AGBL1: variants seen among roughly 807,000 people sequenced by gnomAD.
AGBL1 encodes the protein cytosolic carboxypeptidase 4.
AGBL1 carries 130 observed loss-of-function variants against 118.9 expected under a neutral mutation model. The ratio of observed to expected loss-of-function variants is 1.09; its 90% CI spans 0.95 to 1.26. The LOEUF (loss-of-function observed/expected upper bound fraction) is 1.26, where lower values mean the gene tolerates loss of function less well. Ranked by LOEUF, AGBL1 falls within the 50% of genes most tolerant of loss-of-function variation. The pLI is 0.00. For synonymous variants in AGBL1, 555 were observed against 478.9 expected (o/e 1.16, Z -2.08); for missense variants, 1,584 against 1,298.1 (o/e 1.22, Z -3.38).
intron 21 of AGBL1, among the ~76,000 whole-genome samples, chr15:86,619,210 A>C (rs1385950212): frequency 6.6e-6 from 1 of 152,170 alleles, no homozygotes; most frequent in Non-Finnish European, 1.5e-5. Flanking sequence ...AGCATATAAT[A>C]AGTACTCAAT....
intron 24 of AGBL1, among the ~76,000 whole-genome samples, chr15:86,997,890 GACACACACACAC>G (rs3030280): frequency 0.024 from 3,471 of 145,878 alleles, 71 homozygotes; most frequent in South Asian, 0.055. Context: ...ACATGTGGAA[GACACACACACAC>G]ACACACACAC....
chr15:86,629,171 C>A (rs1327428316), intron 21 of AGBL1, among the ~76,000 whole-genome samples: 1 of 152,116 alleles, frequency 6.6e-6, no homozygotes, highest in African/African-American at 2.4e-5. Flanking sequence ...AACCACCATT[C>A]TACTTGGTTT....
At chr15:86,210,706 G>A (rs567532441) in intron 5 of AGBL1, among the ~76,000 whole-genome samples, 1 of 152,210 alleles carries the variant, frequency 6.6e-6, no homozygotes, top group South Asian at 2.1e-4. Flanking sequence ...ATTTTAGTTA[G>A]CCATTCGTCT....
chr15:86,979,914 A>T (rs1344385310), intron 23 of AGBL1, among the ~76,000 whole-genome samples: 1 of 152,142 alleles, frequency 6.6e-6, no homozygotes, highest in Non-Finnish European at 1.5e-5. Context: ...AACAGAGAGA[A>T]ATCTACCAAG....
chr15:86,277,021 C>T (rs2079263609), intron 15 of AGBL1, among the ~76,000 whole-genome samples: 1 of 152,122 alleles, frequency 6.6e-6, no homozygotes, highest in African/African-American at 2.4e-5. Context: ...AAGGTGGCTG[C>T]CAGGAGAGTC....
intron 23 of AGBL1, among the ~76,000 whole-genome samples, chr15:86,967,782 T>C (rs2081069462): frequency 6.6e-6 from 1 of 152,142 alleles, no homozygotes; most frequent in Admixed American, 6.6e-5. Context: ...TTTGTTCTTT[T>C]GGCTTAGGAT....
chr15:86,361,774 T>C (rs537974653), intron 17 of AGBL1, among the ~76,000 whole-genome samples: 1 of 152,312 alleles, frequency 6.6e-6, no homozygotes, highest in East Asian at 1.9e-4. Context: ...CCTGATCTGT[T>C]TGGGTTACTT....
In AGBL1 at chr15:86,908,910, T is replaced by C. The variant is rs2080315233; in HGVS notation, c.*1616T>C. 6.6e-6 allele frequency: 1 copy of C among 152,224 alleles called. No individual in the cohort carries two copies. The highest frequency in any genetic ancestry group is 2.1e-4 in the South Asian group (1 of 4,822). The allele number at this position is 152,224 out of a possible 1,614,324, so 9.4% of individuals were successfully genotyped here. A position where few individuals can be genotyped will look rare whatever the true frequency, so the allele number is the denominator to read the frequency against. ...AAGGCATAAGTCTATTTCTCTTTCC[T>C]GTGGAATTTTACACACTGGAAGACC... is the stretch of plus-strand genomic sequence containing the variant. On this transcript the variant is annotated 3_prime_UTR_variant, in exon 23 of 23. Transcript: ENST00000614907.
At chr15:86,261,287 C>A (rs1289267781) in intron 9 of AGBL1, among the ~76,000 whole-genome samples, 2 of 152,116 alleles carry the variant, frequency 1.3e-5, no homozygotes, top group Non-Finnish European at 2.9e-5. Context: ...CTTAGTACCA[C>A]CCTGGGCCAT....
intron 17 of AGBL1, among the ~76,000 whole-genome samples, chr15:86,334,446 C>T (rs751311938): frequency 6.6e-6 from 1 of 152,048 alleles, no homozygotes; most frequent in African/African-American, 2.4e-5. Context: ...CCTAGGAATA[C>T]GTCTAACCAA....
intron 5 of AGBL1, among the ~76,000 whole-genome samples, chr15:86,219,734 G>T (rs907230829): frequency 3.9e-5 from 6 of 152,210 alleles, no homozygotes; most frequent in African/African-American, 9.6e-5. Context: ...TGGACAAGTT[G>T]TTTGCCTCAT....
intron 22 of AGBL1, among the ~76,000 whole-genome samples, chr15:86,705,650 T>C (rs2086436791): frequency 6.6e-6 from 1 of 152,194 alleles, no homozygotes; most frequent in African/African-American, 2.4e-5. Flanking sequence ...AATTGTCTTA[T>C]TCTAAGTCAT....
At position 86,848,964 on chromosome 15, in the gene AGBL1, A is replaced by G. The variant is rs568796879; in HGVS notation, c.3159-58123A>G. ...CAACCCTACTGATGAGGAAACTGAAATCAACTGTAGTAAAGCAACCTGCCT... is the reference window on the plus strand; with the variant it reads ...CAACCCTACTGATGAGGAAACTGAAGTCAACTGTAGTAAAGCAACCTGCCT... On this transcript the variant is annotated intron_variant, in intron 22 of 22. Transcript: ENST00000614907. Among the ~76,000 whole-genome samples, 34 of 152,276 alleles carry G rather than the reference A, an allele frequency of 2.2e-4. No homozygotes were observed. The South Asian group carries it at 7.1e-3, about 32-fold the overall frequency.
At chr15:86,325,467 A>T (rs1477140768) in intron 17 of AGBL1, among the ~76,000 whole-genome samples, 4 of 152,174 alleles carry the variant, frequency 2.6e-5, no homozygotes, top group African/African-American at 9.7e-5. Flanking sequence ...GAGCTTATGG[A>T]GCAATCAGGA....
intron 18 of AGBL1, among the ~76,000 whole-genome samples, chr15:86,492,499 A>C (rs2082794427): frequency 6.6e-6 from 1 of 151,796 alleles, no homozygotes; most frequent in Non-Finnish European, 1.5e-5. Flanking sequence ...CTGAGGCAGG[A>C]GAATTGCTTG....
chr15:86,946,616 G>A (rs1388758421), intron 23 of AGBL1, among the ~76,000 whole-genome samples: 11 of 151,990 alleles, frequency 7.2e-5, no homozygotes, highest in Admixed American at 7.2e-4. Context: ...GGGAGGCCGA[G>A]GCAGGTGGAT....
chr15:86,940,345 G>C (rs1370902570), intron 23 of AGBL1, among the ~76,000 whole-genome samples: 2 of 152,186 alleles, frequency 1.3e-5, no homozygotes, highest in Admixed American at 1.3e-4. Context: ...TGCTGTTTCA[G>C]CTGAGATGAT....
At chr15:86,709,755 C>G (rs1307209238) in intron 22 of AGBL1, among the ~76,000 whole-genome samples, 1 of 152,100 alleles carries the variant, frequency 6.6e-6, no homozygotes, top group Non-Finnish European at 1.5e-5. Context: ...TAAATCTTAC[C>G]TCCATCTACT....
rs572551518 is a variant in AGBL1 at position 86,674,400 on chromosome 15, G to C, written c.3122G>C (p.Ser1041Thr). 2.5e-6 allele frequency: 4 copies of C among 1,613,084 alleles called. No homozygotes were observed. In the African/African-American group the frequency reaches 4.0e-5, roughly 16 times the overall value. Residue 1041 changes from serine (S) to threonine (T), a missense_variant, in exon 22 of 23, where the codon AGT becomes ACT. Physicochemically the swap from Ser to Thr is moderately conservative, Grantham distance 58 (BLOSUM62 1). Transcript: ENST00000614907. ...QLLAQAATLL[S>T]AEEDALDQHL... ...CTGGCTCAAGCTGCAACTCTGCTGA[G>C]TGCTGAGGAGGACGCTCTGGACCAG...
Sources: gnomAD v4.1 joint callset for allele counts (sites outside exome capture counted in the v4.1 genomes callset) on GRCh38, gnomAD v4.1.1 for gene constraint, MANE v1.5 for transcripts, NCBI Gene and HGNC (gene_info 2026-07-23, HGNC 2026-07-21) for gene names.